The following MAML3 variants were observed in gnomAD, a reference collection of about 807,000 sequenced individuals.
MAML3 encodes mastermind-like protein 3.
MAML3 carries 27 observed loss-of-function variants against 101.9 expected under a neutral mutation model. The ratio of observed to expected loss-of-function variants is 0.27; its 90% confidence interval spans 0.20 to 0.37. The LOEUF (loss-of-function observed/expected upper bound fraction) is 0.37, where lower values mean the gene tolerates loss of function less well. Among genes scored for constraint, MAML3 ranks in the 10% least tolerant of loss-of-function variants. MAML3 has a pLI of 1.00. For synonymous variants in MAML3, 501 were observed against 555.9 expected, an observed-to-expected ratio of 0.90 and a Z score of 1.39; for missense variants, 1,316 against 1,444.9, an observed-to-expected ratio of 0.91 and a Z score of 1.45.
In MAML3 at chr4:139,793,932, C is replaced by T. The variant is rs79801909; in HGVS notation, c.2080-63265G>A. Among the ~76,000 whole-genome samples, 20 of 152,150 alleles carry T rather than the reference C, an allele frequency of 1.3e-4. 1 individual carries two copies. In the South Asian group the frequency reaches 2.3e-3, roughly 17 times the overall value. On this transcript the variant is annotated intron_variant, in intron 2 of 4. Coordinates refer to ENST00000509479, the MANE Select transcript of MAML3 (RefSeq NM_018717.5). ...TAATAAGGAAGGAAAAGAAAAAAAA[C>T]GAACAGCACTGTACATCTTGGCTAC...
intron 1 of MAML3, among the ~76,000 whole-genome samples, chr4:140,099,962 G>C (rs1419328524): frequency 1.3e-5 from 2 of 152,124 alleles, no homozygotes; most frequent in Non-Finnish European, 2.9e-5. Flanking sequence ...ATAACATTCA[G>C]AACAAATCTG....
intron 1 of MAML3, among the ~76,000 whole-genome samples, chr4:140,093,682 C>G (rs1343696313): frequency 1.3e-5 from 2 of 152,174 alleles, no homozygotes; most frequent in East Asian, 3.9e-4. Context: ...CCCGTCTCGG[C>G]CGCCCAAAGT....
At chr4:139,747,867 G>A (rs897115722) in intron 2 of MAML3, among the ~76,000 whole-genome samples, 6 of 150,924 alleles carry the variant, frequency 4.0e-5, no homozygotes, top group Admixed American at 4.0e-4. Context: ...AAGCCTGATC[G>A]ATACAGTGAA....
intron 1 of MAML3, among the ~76,000 whole-genome samples, chr4:139,974,408 T>G (rs1359602585): frequency 6.6e-6 from 1 of 152,130 alleles, no homozygotes; most frequent in African/African-American, 2.4e-5. Flanking sequence ...CCCGGCCATT[T>G]AATTGAACTT....
intron 1 of MAML3, among the ~76,000 whole-genome samples, chr4:140,136,710 G>A (rs1188444057): frequency 6.6e-6 from 1 of 152,196 alleles, no homozygotes; most frequent in Non-Finnish European, 1.5e-5. Flanking sequence ...TCAAGTTGGT[G>A]CAAAATGAGT....
At chr4:140,084,983 T>A (rs1727927935) in intron 1 of MAML3, among the ~76,000 whole-genome samples, 2 of 152,114 alleles carry the variant, frequency 1.3e-5, no homozygotes, top group South Asian at 4.1e-4. Flanking sequence ...TGGGTTATAG[T>A]CCTTGTTGTG....
At chr4:139,930,848 T>C (rs976936356) in intron 1 of MAML3, among the ~76,000 whole-genome samples, 3 of 150,842 alleles carry the variant, frequency 2.0e-5, no homozygotes, top group African/African-American at 7.3e-5. Flanking sequence ...GATTTCATGA[T>C]TTTTTTTTTA....
rs1491447000 is a variant in MAML3, at chr4:140,092,087, C to CGT, written c.468+60771_468+60772dup. Among the ~76,000 whole-genome samples, 16 of 51,694 alleles carry CGT rather than the reference C, an allele frequency of 3.1e-4. 1 individual carries two copies. The highest frequency in any genetic ancestry group is 7.3e-4 in the African/African-American group (15 of 20,644). The allele number at this position is 51,694 out of a possible 152,430, so 33.9% of individuals were successfully genotyped here. ...TTATATATATATACGTATATATATA[C>CGT]GTATATATATATATACGTATATATA... On this transcript the variant is annotated intron_variant, in intron 1 of 4. Transcript: ENST00000509479.
chr4:140,110,072 C>T (rs536453467), intron 1 of MAML3, among the ~76,000 whole-genome samples: 1 of 152,304 alleles, frequency 6.6e-6, no homozygotes, highest in Non-Finnish European at 1.5e-5. Flanking sequence ...TAAGTGGAGC[C>T]GCCTGTGCGT....
chr4:139,938,798 G>A (rs60662616), intron 1 of MAML3, among the ~76,000 whole-genome samples: 5 of 152,158 alleles, frequency 3.3e-5, no homozygotes, highest in Admixed American at 1.3e-4. Context: ...TTAAAATAAC[G>A]AGACTAATTT....
rs369376772 is a variant in MAML3, at chr4:139,719,376, C to T, written c.3364G>A (p.Gly1122Arg). ...TCCTGCATCCACTCGTCCCCTGGCC[C>T]GCCTTTGATGATGGAGTCCACAAGG... ...ADLVDSIIKG[G>R]PGDEWMQELD... is the part of the protein sequence containing the mutation. The change falls in exon 5 of 5, where the codon GGG (glycine) becomes AGG (arginine). Residue 1122 changes from glycine to arginine, a missense_variant. Transcript: ENST00000509479. 20 of 1,611,946 alleles carry T rather than the reference C, an allele frequency of 1.2e-5. No homozygotes were observed. Among genetic ancestry groups the T allele is most frequent in the African/African-American group, 1.1e-4 (8 of 74,890 alleles).
chr4:140,133,137 G>T, intron 1 of MAML3: 1 of 424,232 alleles, frequency 2.4e-6, no homozygotes, highest in Non-Finnish European at 4.7e-6. Flanking sequence ...TATTTACAGT[G>T]TTTGACTAGG....
Position 140,022,221 on chromosome 4 carries a change from T to C in MAML3, c.468+130639A>G, listed in dbSNP as rs138507054. ...CTTCCCTTTTGTTGTAAATAACATG[T>C]AAATGTATACTTTTAAAATCACTAT... On this transcript the variant is annotated intron_variant, in intron 1 of 4. Transcript: ENST00000509479. Among the ~76,000 whole-genome samples the C allele has an allele frequency of 6.6e-4, 101 of 152,354 alleles. No homozygotes were observed. In the Middle Eastern group the frequency reaches 0.017, roughly 26 times the overall value.
At chr4:140,040,874 G>A (rs1727075566) in intron 1 of MAML3, among the ~76,000 whole-genome samples, 1 of 151,966 alleles carries the variant, frequency 6.6e-6, no homozygotes, top group South Asian at 2.1e-4. Context: ...GAGACGTTAT[G>A]ACAATCTGAG....
At chr4:139,911,694 G>A (rs886351887) in intron 1 of MAML3, among the ~76,000 whole-genome samples, 1 of 152,144 alleles carries the variant, frequency 6.6e-6, no homozygotes, top group Non-Finnish European at 1.5e-5. Context: ...GATCCTTCAT[G>A]AAAGGTAGTG....
chr4:139,839,186 C>T (rs942038838), intron 2 of MAML3, among the ~76,000 whole-genome samples: 12 of 152,182 alleles, frequency 7.9e-5, no homozygotes, highest in Non-Finnish European at 1.2e-4. Flanking sequence ...GCCCCACACA[C>T]GCCCCTCCCC....
chr4:139,807,583 T>C (rs1730723067), intron 2 of MAML3, among the ~76,000 whole-genome samples: 1 of 152,150 alleles, frequency 6.6e-6, no homozygotes, highest in Non-Finnish European at 1.5e-5. Context: ...CTCCATAGGA[T>C]ACCTCAAGGG....
chr4:140,054,959 C>A, intron 1 of MAML3, among the ~76,000 whole-genome samples: 1 of 152,198 alleles, frequency 6.6e-6, no homozygotes, highest in South Asian at 2.1e-4. Context: ...TATTTCTTAA[C>A]TTTTAGAACT....
chr4:139,913,842 A>T (rs901590305), intron 1 of MAML3, among the ~76,000 whole-genome samples: 4 of 152,234 alleles, frequency 2.6e-5, no homozygotes, highest in Non-Finnish European at 5.9e-5. Context: ...AACACAAGTC[A>T]TAAAAACAAA....
Sources: allele counts gnomAD v4.1 joint callset (sites outside exome capture counted in the v4.1 genomes callset), GRCh38; gene constraint gnomAD v4.1.1; transcripts MANE v1.5; gene names NCBI Gene and HGNC (gene_info 2026-07-23, HGNC 2026-07-21).